Variants in GALNT17 observed in about 807,000 individuals in gnomAD.
GALNT17 encodes the protein polypeptide N-acetylgalactosaminyltransferase 17.
GALNT17 carries 29 observed loss-of-function variants against 63.7 expected under a neutral mutation model. The ratio of observed to expected loss-of-function variants is 0.46; its 90% CI spans 0.34 to 0.62. The LOEUF (loss-of-function observed/expected upper bound fraction) is 0.62. Among genes scored for constraint, GALNT17 ranks in the 20% least tolerant of loss-of-function variants. The probability of loss-of-function intolerance (pLI) is 0.01; values close to 1 mark genes in which losing one functional copy is unlikely to be tolerated. For missense variants in GALNT17, 603 were observed against 799.6 expected (o/e 0.75, Z 2.97); for synonymous variants, 305 against 318.3 (o/e 0.96, Z 0.45).
At chr7:71,250,758 A>G (rs1292002776) in intron 1 of GALNT17, among the ~76,000 whole-genome samples, 3 of 152,210 alleles carry the variant, frequency 2.0e-5, no homozygotes, top group Admixed American at 6.5e-5. Flanking sequence ...ATGTGTTGTA[A>G]CAGAGACTGA....
At chr7:71,634,800 G>T (rs1215262524) in intron 6 of GALNT17, among the ~76,000 whole-genome samples, 1 of 151,638 alleles carries the variant, frequency 6.6e-6, no homozygotes, top group Non-Finnish European at 1.5e-5. Context: ...GAAATACATT[G>T]GTTTGGTCCA....
intron 1 of GALNT17, among the ~76,000 whole-genome samples, chr7:71,229,177 C>T (rs1326461334): frequency 6.6e-6 from 1 of 152,204 alleles, no homozygotes. Context: ...ATTTTATGAT[C>T]ATGGGTGGAT....
At chr7:71,709,503 T>C (rs145755717) in intron 9 of GALNT17, among the ~76,000 whole-genome samples, 132 of 152,226 alleles carry the variant, frequency 8.7e-4, no homozygotes, top group African/African-American at 3.1e-3. Context: ...TCCAGCCCAA[T>C]AGTGAGAGGG....
chr7:71,684,394 G>A (rs1395948985), intron 9 of GALNT17, among the ~76,000 whole-genome samples: 1 of 152,164 alleles, frequency 6.6e-6, no homozygotes, highest in African/African-American at 2.4e-5. Flanking sequence ...TCTCAGCCCT[G>A]AACGCCCCCG....
At chr7:71,226,572 C>T (rs530845688) in intron 1 of GALNT17, among the ~76,000 whole-genome samples, 19 of 152,210 alleles carry the variant, frequency 1.2e-4, no homozygotes, top group African/African-American at 4.3e-4. Flanking sequence ...CTCTGCCTCC[C>T]GGTTTCAAGT....
chr7:71,516,581 AG>A (rs1261909866), intron 5 of GALNT17, among the ~76,000 whole-genome samples: 1 of 152,136 alleles, frequency 6.6e-6, no homozygotes, highest in Non-Finnish European at 1.5e-5. Context: ...TTCAGAATGC[AG>A]GAGGGGTGCA....
chr7:71,400,094 T>C (rs993761011), intron 3 of GALNT17, among the ~76,000 whole-genome samples: 32 of 152,272 alleles, frequency 2.1e-4, no homozygotes, highest in African/African-American at 7.5e-4. Context: ...CAGTCCATCA[T>C]CTAGGTTTCA....
chr7:71,299,338 G>A (rs1258704129), intron 1 of GALNT17, among the ~76,000 whole-genome samples: 2 of 152,144 alleles, frequency 1.3e-5, no homozygotes, highest in African/African-American at 2.4e-5. Flanking sequence ...GGGAACTGCC[G>A]TTTATGAAGT....
intron 5 of GALNT17, among the ~76,000 whole-genome samples, chr7:71,468,706 T>A (rs1787578515): frequency 6.6e-6 from 1 of 152,092 alleles, no homozygotes. Context: ...TGTGAGCCAC[T>A]GTGCCCGGCC....
intron 5 of GALNT17, among the ~76,000 whole-genome samples, chr7:71,432,170 G>C (rs1167783515): frequency 6.6e-6 from 1 of 151,520 alleles, no homozygotes; most frequent in African/African-American, 2.4e-5. Context: ...GCAAGACTCC[G>C]TCTCAAAAAA....
At chr7:71,437,561 G>T (rs1200787554) in intron 5 of GALNT17, among the ~76,000 whole-genome samples, 3 of 152,188 alleles carry the variant, frequency 2.0e-5, no homozygotes, top group African/African-American at 7.2e-5. Context: ...GCCGTCCACA[G>T]CTGACTGCTG....
intron 2 of GALNT17, among the ~76,000 whole-genome samples, chr7:71,384,362 G>C (rs916682080): frequency 6.6e-6 from 1 of 152,188 alleles, no homozygotes; most frequent in Non-Finnish European, 1.5e-5. Flanking sequence ...AGTGGAAAGA[G>C]ACGATGTGAA....
At chr7:71,381,805 C>T (rs755177133) in intron 2 of GALNT17, among the ~76,000 whole-genome samples, 47 of 152,060 alleles carry the variant, frequency 3.1e-4, no homozygotes, top group African/African-American at 1.0e-3. Context: ...AAGAAACCTG[C>T]GGCGCAAAGA....
chr7:71,326,083 GTTC>G (rs1791699497), intron 1 of GALNT17, among the ~76,000 whole-genome samples: 1 of 151,840 alleles, frequency 6.6e-6, no homozygotes, highest in Admixed American at 6.6e-5. Flanking sequence ...TAACGTCTGT[GTTC>G]TTCTAGGTTA....
intron 9 of GALNT17, among the ~76,000 whole-genome samples, chr7:71,705,873 G>A (rs1791715954): frequency 6.6e-6 from 1 of 152,142 alleles, no homozygotes; most frequent in African/African-American, 2.4e-5. Flanking sequence ...AGACTTAGAG[G>A]CAGGAAAGCC....
chr7:71,294,630 G>A (rs1791044723), intron 1 of GALNT17, among the ~76,000 whole-genome samples: 1 of 151,944 alleles, frequency 6.6e-6, no homozygotes, highest in South Asian at 2.1e-4. Flanking sequence ...GGCCAGGCTG[G>A]CCTTGAACTC....
chr7:71,692,698 A>G (rs1791472818), intron 9 of GALNT17, among the ~76,000 whole-genome samples: 1 of 151,634 alleles, frequency 6.6e-6, no homozygotes, highest in Non-Finnish European at 1.5e-5. Context: ...TACACAATGT[A>G]TGTATATAAG....
chr7:71,366,323 C>T (rs1276225483), intron 2 of GALNT17, among the ~76,000 whole-genome samples: 5 of 152,134 alleles, frequency 3.3e-5, no homozygotes, highest in Non-Finnish European at 5.9e-5. Context: ...CGGTGGCTCA[C>T]ACCTGTACCA....
intron 2 of GALNT17, among the ~76,000 whole-genome samples, chr7:71,347,458 A>G (rs977568084): frequency 6.6e-6 from 1 of 152,132 alleles, no homozygotes; most frequent in Non-Finnish European, 1.5e-5. Flanking sequence ...TAATATACCT[A>G]TACATTTCAG....
Sources: allele counts gnomAD v4.1 joint callset (sites outside exome capture counted in the v4.1 genomes callset), GRCh38; gene constraint gnomAD v4.1.1; transcripts MANE v1.5; gene names NCBI Gene and HGNC (gene_info 2026-07-23, HGNC 2026-07-21).